PSG11: variants seen among roughly 807,000 people sequenced by gnomAD.
The protein encoded by PSG11 is pregnancy-specific beta-1-glycoprotein 11.
A neutral mutation model predicts 36.0 loss-of-function variants in PSG11; 42 were observed. The ratio of observed to expected loss-of-function variants is 1.17; its 90% CI spans 0.91 to 1.51. The LOEUF (loss-of-function observed/expected upper bound fraction) is 1.51, where lower values mean the gene tolerates loss of function less well. Among genes scored for constraint, PSG11 ranks in the 40% most tolerant of loss-of-function variants. The pLI, the probability that PSG11 is intolerant of heterozygous loss-of-function variation, is 0.00. For synonymous variants in PSG11, 206 were observed against 153.5 expected, an observed-to-expected ratio of 1.34 and a Z score of -2.53; for missense variants, 558 against 403.5, an observed-to-expected ratio of 1.38 and a Z score of -3.28.
chr19:43,018,306 T>C (rs1801117266), intron 3 of PSG11: 2 of 238,590 alleles, frequency 8.4e-6, no homozygotes, highest in South Asian at 7.1e-5. Flanking sequence ...ACAGGAGAGC[T>C]TGGGGACTTC....
chr19:43,026,189 C>A (rs529547796), intron 1 of PSG11, 120 bp downstream of exon 1: 20 of 1,462,782 alleles, frequency 1.4e-5, no homozygotes, highest in Admixed American at 8.9e-5. Context: ...GATCCACCCA[C>A]CTCAGCCTCC....
chr19:43,021,527 A>T (rs1967101848), intron 2 of PSG11, among the ~76,000 whole-genome samples: 1 of 151,150 alleles, frequency 6.6e-6, no homozygotes, highest in East Asian at 1.9e-4. Context: ...AATTTTTTGT[A>T]TTTTTAGCAC....
rs372042299 is a variant in PSG11 at position 43,019,014 on chromosome 19, G to T, written c.465C>A (p.Asn155Lys). The T allele has an allele frequency of 1.4e-5, 22 of 1,611,898 alleles. No individual in the cohort carries two copies. The African/African-American group carries it at 1.5e-4, about 11-fold the overall frequency. ...ETPKPSISSSNLNPREAMETV... is the reference protein window; with the variant it reads ...ETPKPSISSSKLNPREAMETV... ...TCTCCATGGCCTCCCTGGGGTTTAA[G>T]TTGCTGCTGGAGATGGAGGGCTTGG... Residue 155 changes from asparagine to lysine, a missense_variant, in exon 3 of 6, where the codon AAC becomes AAA. Transcript: ENST00000320078.
rs1231832447 is a variant in PSG11, at chr19:43,011,175, T to C, written c.965-1134A>G. Among the ~76,000 whole-genome samples the C allele has an allele frequency of 2.0e-5, 3 of 151,176 alleles. 1 individual carries two copies. The highest frequency in any genetic ancestry group is 7.3e-5 in the African/African-American group (3 of 40,948). ...GATGATAGTAATATAGTAGCTGACA[T>C]TGGTTCCTCTGTATGTGGCATCTTG... On this transcript the variant is annotated intron_variant, in intron 4 of 5. Coordinates refer to ENST00000320078, the MANE Select transcript of PSG11 (RefSeq NM_002785.3).
In PSG11 at chr19:43,014,710, G is replaced by C. The variant is rs1568487054; in HGVS notation, c.964+406C>G. The C allele has an allele frequency of 2.1e-5, 25 of 1,210,716 alleles. No individual in the cohort carries two copies. In the South Asian group the frequency reaches 2.4e-4, roughly 11 times the overall value. The allele number at this position is 1,210,716 out of a possible 1,614,324, so 75.0% of individuals were successfully genotyped here. A position where few individuals can be genotyped will look rare whatever the true frequency, so the allele number is the denominator to read the frequency against. ...CTCCTCTCATTTGGGGGAAAAGTGT[G>C]AGCTTGTTTCAAAGCCTCAGATGTT... On this transcript the variant is annotated intron_variant, in intron 4 of 5. Coordinates refer to ENST00000320078, the MANE Select transcript of PSG11 (RefSeq NM_002785.3).
rs559472864 is a variant in PSG11, at chr19:43,012,383, A to T, written c.965-2342T>A. ...TTCTGTTTACAGATAACTTGAACTT[A>T]TATGTAGAAAATCCTAAAGGTGGAA... On this transcript the variant is annotated intron_variant, in intron 4 of 5. Coordinates refer to ENST00000320078, the MANE Select transcript of PSG11 (RefSeq NM_002785.3). Among the ~76,000 whole-genome samples, 30 of 151,674 alleles carry T rather than the reference A, an allele frequency of 2.0e-4. 2 individuals are homozygous for T. The highest frequency in any genetic ancestry group is 6.8e-4 in the African/African-American group (28 of 41,258).
At chr19:43,024,607 A>T in intron 2 of PSG11, 84 bp downstream of exon 2, 1 of 1,601,786 alleles carries the variant, frequency 6.2e-7, no homozygotes, top group South Asian at 1.1e-5. Context: ...GACACAGGCA[A>T]TGTCCAGGCC....
intron 4 of PSG11, chr19:43,014,906 G>A (rs1310758612): frequency 6.3e-6 from 9 of 1,421,444 alleles, no homozygotes; most frequent in Middle Eastern, 5.2e-4. Flanking sequence ...ACCTTTCTCA[G>A]GCCAGACACA....
At chr19:43,018,608 T>A in intron 3 of PSG11, 162 bp downstream of exon 3, 1 of 1,515,448 alleles carries the variant, frequency 6.6e-7, no homozygotes, top group South Asian at 1.2e-5. Context: ...GGATCAAGCC[T>A]AGGCCTACTG....
rs763917849 is a variant in PSG11 at position 43,010,760 on chromosome 19, C to T, written c.965-719G>A. ...ATAAATTATCGTTTAGGTCTAATCC[C>T]GTCTTGGATGCATCTCAGTTGGTAA... On this transcript the variant is annotated intron_variant, in intron 4 of 5. Coordinates refer to ENST00000320078, the MANE Select transcript of PSG11 (RefSeq NM_002785.3). The T allele has an allele frequency of 1.9e-4, 29 of 154,676 alleles. 2 individuals are homozygous for T. The highest frequency in any genetic ancestry group is 6.1e-4 in the African/African-American group (25 of 40,972). The allele number at this position is 154,676 out of a possible 1,614,324, so 9.6% of individuals were successfully genotyped here.
chr19:43,012,663 T>C (rs1751186453), intron 4 of PSG11, among the ~76,000 whole-genome samples: 1 of 151,494 alleles, frequency 6.6e-6, no homozygotes, highest in African/African-American at 2.4e-5. Flanking sequence ...GAAAGACATT[T>C]TGTTTTCATG....
chr19:43,014,406 C>T (rs1966903259), intron 4 of PSG11: 1 of 945,928 alleles, frequency 1.1e-6, no homozygotes, highest in Non-Finnish European at 1.3e-6. Flanking sequence ...ACGTGCTGTG[C>T]CCACAGCCTC....
chr19:43,024,628 G>A (rs1967190672), intron 2 of PSG11, 63 bp downstream of exon 2: 5 of 1,607,592 alleles, frequency 3.1e-6, no homozygotes, highest in Non-Finnish European at 4.3e-6. Flanking sequence ...TGACAATCCT[G>A]TGTGTGTGAT....
chr19:43,024,522 T>C lies in PSG11; in HGVS notation c.430+169A>G, dbSNP rs961443416. ...TGGATGCGGGAAAGGAATTCTGATCTGTTGAAATTTGTCTCCTCTGTGTGT... is the reference window on the plus strand; with the variant it reads ...TGGATGCGGGAAAGGAATTCTGATCCGTTGAAATTTGTCTCCTCTGTGTGT... On this transcript the variant is annotated intron_variant, in intron 2 of 5. Transcript: ENST00000320078. 13 of 1,312,602 alleles carry C rather than the reference T, an allele frequency of 9.9e-6. 1 individual carries two copies. Among genetic ancestry groups the C allele is most frequent in the Non-Finnish European group, 1.4e-5 (13 of 937,376 alleles). The allele number at this position is 1,312,602 out of a possible 1,614,324, so 81.3% of individuals were successfully genotyped here.
rs757888108 is a variant in PSG11, at chr19:43,018,870, A to T, written c.609T>A (p.Phe203Leu). 1 of 1,611,954 alleles carries T rather than the reference A, an allele frequency of 6.2e-7. No individual in the cohort carries two copies. Among genetic ancestry groups the T allele is most frequent in the African/African-American group, 1.3e-5 (1 of 74,402 alleles). ...MQLSETNRTL[F>L]LFGVTKYTAG... is the part of the protein sequence containing the mutation. ...CAGTATACTTTGTGACACCAAATAG[A>T]AAGAGGGTCCTGTTGGTTTCAGACA... The change falls in exon 3 of 6, where the codon TTT (phenylalanine) becomes TTA (leucine). Residue 203 changes from phenylalanine to leucine, a missense_variant. Phe to Leu is a conservative substitution (Grantham distance 22). Transcript: ENST00000320078.
intron 5 of PSG11, among the ~76,000 whole-genome samples, chr19:43,009,321 A>G (rs867177307): frequency 3.3e-5 from 5 of 151,354 alleles, no homozygotes; most frequent in African/African-American, 1.2e-4. Flanking sequence ...AGATGGTGGA[A>G]GGGATTTCAC....
chr19:43,024,856 T>G lies in PSG11; in HGVS notation c.265A>C (p.Ile89Leu). ...CCACTGTATGCCGGTCCATATATAA[T>G]TATTTGACCGTCTACTACATATGAT... ...ITSYVVDGQIIIYGPAYSGRE... is the reference protein window; with the variant it reads ...ITSYVVDGQILIYGPAYSGRE... Residue 89 changes from isoleucine to leucine, a missense_variant, in exon 2 of 6, where the codon ATT (isoleucine) becomes CTT (leucine). Ile to Leu is a conservative substitution (Grantham distance 5, BLOSUM62 2). Transcript: ENST00000320078. The G allele has an allele frequency of 6.2e-7, 1 of 1,611,834 alleles. No homozygotes were observed. The highest frequency in any genetic ancestry group is 1.3e-5 in the African/African-American group (1 of 74,374).
rs1599672194 is a variant in PSG11 at position 43,015,325 on chromosome 19, T to C, written c.755A>G (p.Tyr252Cys). Residue 252 changes from tyrosine to cysteine, a missense_variant, in exon 4 of 6, where the codon TAT (tyrosine) becomes TGT (cysteine). Coordinates refer to ENST00000320078, the MANE Select transcript of PSG11 (RefSeq NM_002785.3). ...PRIFPSVTSYYSGENLDLSCF... is the reference protein window; with the variant it reads ...PRIFPSVTSYCSGENLDLSCF... Reference sequence around the variant, plus strand: ...GGACAAGTCGAGGTTCTCTCCTGAATAGTAAGAGGTGACTGAAGGGAAAAT... The same window carrying C: ...GGACAAGTCGAGGTTCTCTCCTGAACAGTAAGAGGTGACTGAAGGGAAAAT... The C allele has an allele frequency of 1.8e-5, 29 of 1,609,910 alleles. 1 individual carries two copies. The East Asian group carries it at 6.3e-4, about 35-fold the overall frequency.
chr19:43,015,683 T>C, intron 3 of PSG11: 13 of 1,571,876 alleles, frequency 8.3e-6, no homozygotes, highest in Non-Finnish European at 1.0e-5. Context: ...TGTCTGTACT[T>C]GGACCGGAGA....
Sources: allele counts gnomAD v4.1 joint callset (sites outside exome capture counted in the v4.1 genomes callset), GRCh38; gene constraint gnomAD v4.1.1; transcripts MANE v1.5; gene names NCBI Gene and HGNC (gene_info 2026-07-23, HGNC 2026-07-21).